The following SLC26A7 variants were observed in gnomAD, a reference collection of about 807,000 sequenced individuals.
SLC26A7 encodes solute carrier family 26 member 7.
SLC26A7 carries 59 observed loss-of-function variants against 82.5 expected under a neutral mutation model. The ratio of observed to expected loss-of-function variants is 0.72; its 90% CI spans 0.58 to 0.89. SLC26A7 has a LOEUF of 0.89. Ranked by LOEUF, SLC26A7 falls within the 40% of genes least tolerant of loss-of-function variation. SLC26A7 has a pLI of 0.00. For missense variants in SLC26A7, 820 were observed against 793.0 expected (o/e 1.03, Z -0.41); for synonymous variants, 271 against 274.3 (o/e 0.99, Z 0.12).
At chr8:91,338,500 A>G (rs1001187856) in intron 7 of SLC26A7, among the ~76,000 whole-genome samples, 1 of 152,210 alleles carries the variant, frequency 6.6e-6, no homozygotes, top group Non-Finnish European at 1.5e-5. Flanking sequence ...TTAACAAAAT[A>G]GAGGGCATTG....
intron 2 of SLC26A7, among the ~76,000 whole-genome samples, chr8:91,252,469 T>A (rs1416997797): frequency 6.6e-6 from 1 of 152,050 alleles, no homozygotes; most frequent in Admixed American, 6.6e-5. Context: ...CTTTCTGAAA[T>A]CCCTTATTCT....
intron 5 of SLC26A7, among the ~76,000 whole-genome samples, chr8:91,329,361 G>T (rs897884918): frequency 5.9e-5 from 9 of 152,142 alleles, no homozygotes; most frequent in Non-Finnish European, 1.2e-4. Context: ...ACAGTCATTA[G>T]AATGACATTC....
intron 5 of SLC26A7, among the ~76,000 whole-genome samples, chr8:91,330,716 A>G (rs78375619): frequency 0.027 from 4,149 of 152,254 alleles, 167 homozygotes; most frequent in African/African-American, 0.09. Context: ...TCAAAACCCT[A>G]AAGTTATCAA....
At chr8:91,336,565 C>G (rs1449663768) in intron 6 of SLC26A7, among the ~76,000 whole-genome samples, 1 of 152,134 alleles carries the variant, frequency 6.6e-6, no homozygotes, top group Admixed American at 6.5e-5. Context: ...CAAAGCTGAT[C>G]CCCGGTGCCA....
chr8:91,289,242 C>T lies in SLC26A7; in HGVS notation c.300C>T (p.Ala100=). The change falls in exon 3 of 19, where the codon GCC becomes GCT. Residue 100 remains alanine (A), a synonymous_variant. Coordinates refer to ENST00000276609, the MANE Select transcript of SLC26A7 (RefSeq NM_052832.4). The part of the protein sequence containing the change: ...YAIFGMGHHV[A]TGTFALTSLI... Reference sequence around the variant, plus strand: ...TATTTGGAATGGGACATCATGTTGCCACAGGTAATAATTCCTATGTTTATG... The same window carrying T: ...TATTTGGAATGGGACATCATGTTGCTACAGGTAATAATTCCTATGTTTATG... The T allele has an allele frequency of 6.2e-7, 1 of 1,606,494 alleles. No homozygotes were observed. Among genetic ancestry groups the T allele is most frequent in the Non-Finnish European group, 8.5e-7 (1 of 1,173,250 alleles).
At chr8:91,315,771 C>T (rs1439624342) in intron 4 of SLC26A7, among the ~76,000 whole-genome samples, 9 of 152,102 alleles carry the variant, frequency 5.9e-5, no homozygotes, top group East Asian at 1.9e-4. Context: ...CCTACATTTT[C>T]GAAACTGGTG....
At chr8:91,256,662 C>G (rs940805905) in intron 2 of SLC26A7, among the ~76,000 whole-genome samples, 3 of 152,132 alleles carry the variant, frequency 2.0e-5, no homozygotes, top group Non-Finnish European at 2.9e-5. Context: ...TACTATAGCC[C>G]TGACTCTCCA....
chr8:91,374,600 A>G lies in SLC26A7; in HGVS notation c.1675+4767A>G, dbSNP rs1814456945. Among the ~76,000 whole-genome samples, 4 of 152,122 alleles carry G rather than the reference A, an allele frequency of 2.6e-5. No individual in the cohort carries two copies. In the South Asian group the frequency reaches 8.3e-4, roughly 32 times the overall value. Reference sequence around the variant, plus strand: ...ACTGTATTCCAAAAAGATGCTTGATATGATTTGATTTTTTTTTGGAATTTA... The same window carrying G: ...ACTGTATTCCAAAAAGATGCTTGATGTGATTTGATTTTTTTTTGGAATTTA... On this transcript the variant is annotated intron_variant, in intron 15 of 18. Transcript: ENST00000276609.
At chr8:91,212,978 C>T (rs1276643546) in intron 1 of SLC26A7, among the ~76,000 whole-genome samples, 1 of 152,152 alleles carries the variant, frequency 6.6e-6, no homozygotes, top group Non-Finnish European at 1.5e-5. Flanking sequence ...AGAACTCTCC[C>T]TTTTGTTCTC....
intron 9 of SLC26A7, among the ~76,000 whole-genome samples, chr8:91,349,054 T>G (rs141317748): frequency 6.6e-6 from 1 of 152,200 alleles, no homozygotes; most frequent in Non-Finnish European, 1.5e-5. Flanking sequence ...TGGCTTCTTC[T>G]TTATGAAGAG....
intron 4 of SLC26A7, among the ~76,000 whole-genome samples, chr8:91,310,521 G>A (rs1459455071): frequency 2.6e-5 from 4 of 152,040 alleles, no homozygotes; most frequent in Non-Finnish European, 5.9e-5. Flanking sequence ...GACAAATCAG[G>A]TTACTAGATT....
chr8:91,339,753 G>A lies in SLC26A7; in HGVS notation c.879-651G>A, dbSNP rs142851465. Among the ~76,000 whole-genome samples the A allele has an allele frequency of 3.6e-4, 55 of 152,038 alleles. 1 individual carries two copies. The East Asian group carries it at 7.5e-3, about 21-fold the overall frequency. ...TCAAGTTGTTTTCAAAAGACAATTAGACAAGGGCTGGGTATTATTTGAGAG... is the reference window on the plus strand; with the variant it reads ...TCAAGTTGTTTTCAAAAGACAATTAAACAAGGGCTGGGTATTATTTGAGAG... On this transcript the variant is annotated intron_variant, in intron 7 of 18. Coordinates refer to ENST00000276609, the MANE Select transcript of SLC26A7 (RefSeq NM_052832.4).
chr8:91,298,581 AT>A, intron 4 of SLC26A7, among the ~76,000 whole-genome samples: 1 of 152,306 alleles, frequency 6.6e-6, no homozygotes, highest in Non-Finnish European at 1.5e-5. Context: ...TACATGGTAG[AT>A]TCTCAGAAAA....
At chr8:91,268,026 G>C (rs1253671561) in intron 2 of SLC26A7, among the ~76,000 whole-genome samples, 1 of 151,784 alleles carries the variant, frequency 6.6e-6, no homozygotes, top group Non-Finnish European at 1.5e-5. Context: ...GGAGAATGTT[G>C]TTTAATTTCC....
intron 15 of SLC26A7, among the ~76,000 whole-genome samples, chr8:91,386,296 T>C (rs1814797587): frequency 6.6e-6 from 1 of 152,162 alleles, no homozygotes; most frequent in South Asian, 2.1e-4. Flanking sequence ...AGTAAATAAA[T>C]AATAAGGCTT....
At chr8:91,264,612 A>G (rs1811059515) in intron 2 of SLC26A7, among the ~76,000 whole-genome samples, 1 of 151,896 alleles carries the variant, frequency 6.6e-6, no homozygotes, top group African/African-American at 2.4e-5. Flanking sequence ...ATAGCTCTGT[A>G]TTACAGGTCA....
intron 13 of SLC26A7, among the ~76,000 whole-genome samples, chr8:91,365,316 C>T (rs139309489): frequency 3.4e-4 from 51 of 151,240 alleles, no homozygotes; most frequent in Admixed American, 2.9e-3. Context: ...ATAAACTAAA[C>T]AAAAATTGCA....
chr8:91,296,998 G>C (rs1812034395), intron 4 of SLC26A7, among the ~76,000 whole-genome samples: 1 of 151,924 alleles, frequency 6.6e-6, no homozygotes, highest in South Asian at 2.1e-4. Context: ...ATATTGCCTT[G>C]GATTTGGCAT....
chr8:91,311,442 T>C (rs879046238), intron 4 of SLC26A7, among the ~76,000 whole-genome samples: 3 of 151,870 alleles, frequency 2.0e-5, no homozygotes, highest in Admixed American at 1.3e-4. Context: ...TATATATATA[T>C]ACACACACTC....
Sources: allele counts gnomAD v4.1 joint callset (sites outside exome capture counted in the v4.1 genomes callset), GRCh38; gene constraint gnomAD v4.1.1; transcripts MANE v1.5; gene names NCBI Gene and HGNC (gene_info 2026-07-23, HGNC 2026-07-21).